The following MTSS1 variants were observed in gnomAD, a reference collection of about 807,000 sequenced individuals.
The protein encoded by MTSS1 is MTSS I-BAR domain containing 1.
In MTSS1, 18 loss-of-function variants were observed where a neutral mutation model predicts 79.0. The ratio of observed to expected loss-of-function variants is 0.23; its 90% CI spans 0.16 to 0.34. MTSS1 has a LOEUF of 0.34. Among genes scored for constraint, MTSS1 ranks in the 10% least tolerant of loss-of-function variants. The pLI is 1.00. For synonymous variants in MTSS1, 341 were observed against 368.6 expected, an observed-to-expected ratio of 0.93 and a Z score of 0.86; for missense variants, 815 against 986.2, an observed-to-expected ratio of 0.83 and a Z score of 2.33.
At chr8:124,593,273 C>A (rs903844896) in intron 3 of MTSS1, among the ~76,000 whole-genome samples, 26 of 152,282 alleles carry the variant, frequency 1.7e-4, no homozygotes, top group Middle Eastern at 3.4e-3. Flanking sequence ...AATAACCCGG[C>A]CACACAAGGA....
intron 3 of MTSS1, among the ~76,000 whole-genome samples, chr8:124,613,571 G>C (rs1002690442): frequency 1.3e-5 from 2 of 152,160 alleles, no homozygotes; most frequent in Non-Finnish European, 2.9e-5. Context: ...GTAACAATTG[G>C]GAGGAGAGTA....
At chr8:124,585,793 C>T (rs761155260) in intron 5 of MTSS1, among the ~76,000 whole-genome samples, 8 of 151,926 alleles carry the variant, frequency 5.3e-5, no homozygotes, top group African/African-American at 1.5e-4. Context: ...CTACTTTCCC[C>T]GGGCCCAAAT....
At position 124,555,910 on chromosome 8, in the gene MTSS1, G is replaced by T. The variant is rs1415477835; in HGVS notation, c.1405-6C>A. ...GCCTCCATCTCCTCACCAGGCTGCAGGTTGGAGGAGAGAAATACACAGGTT... is the reference window on the plus strand; with the variant it reads ...GCCTCCATCTCCTCACCAGGCTGCATGTTGGAGGAGAGAAATACACAGGTT... On this transcript the variant is annotated splice_region_variant and splice_polypyrimidine_tract_variant and intron_variant, in intron 12 of 13. Coordinates refer to ENST00000518547, the MANE Select transcript of MTSS1 (RefSeq NM_014751.6). 6 of 1,603,746 alleles carry T rather than the reference G, an allele frequency of 3.7e-6. No individual in the cohort carries two copies. The highest frequency in any genetic ancestry group is 3.4e-6 in the Non-Finnish European group (4 of 1,179,434).
intron 3 of MTSS1, among the ~76,000 whole-genome samples, chr8:124,620,571 C>T (rs1206080705): frequency 1.3e-5 from 2 of 152,124 alleles, no homozygotes; most frequent in African/African-American, 2.4e-5. Flanking sequence ...CGTCCACAGG[C>T]CTTAATTCCT....
chr8:124,671,796 T>A (rs1272061129), intron 3 of MTSS1, among the ~76,000 whole-genome samples: 2 of 152,200 alleles, frequency 1.3e-5, no homozygotes, highest in Non-Finnish European at 2.9e-5. Context: ...AGGAAACACA[T>A]ACCATGATCA....
intron 10 of MTSS1, chr8:124,558,864 C>G (rs758652728): frequency 6.6e-7 from 1 of 1,520,812 alleles, no homozygotes; most frequent in South Asian, 1.2e-5. Flanking sequence ...ACGAGGGGAC[C>G]AACAGAAACC....
rs3829036 is a variant in MTSS1 at position 124,556,382 on chromosome 8, A to G, written c.1254T>C (p.Tyr418=). ...SWKDWAKPGP[Y]DQPLVNTLQR... ...GCAGGGTGTTCACCAGAGGCTGGTC[A>G]TAGGGCCCAGGCTTAGCCCAGTCCT... Residue 418 remains tyrosine, a synonymous_variant, in exon 12 of 14, where the codon TAT becomes TAC. Transcript: ENST00000518547. 213,152 of 1,613,530 alleles carry G rather than the reference A, an allele frequency of 0.13. 14,772 individuals are homozygous for G. Among genetic ancestry groups the G allele is most frequent in the Admixed American group, 0.19 (11,502 of 59,972 alleles).
intron 1 of MTSS1, among the ~76,000 whole-genome samples, chr8:124,707,749 GC>G (rs1433006637): frequency 2.0e-5 from 3 of 151,900 alleles, no homozygotes; most frequent in Non-Finnish European, 4.4e-5. Flanking sequence ...TGTGGCACAT[GC>G]CTGTAGTCCT....
intron 6 of MTSS1, 85 bp downstream of exon 6, chr8:124,585,002 T>A (rs1270087443): frequency 3.5e-6 from 4 of 1,141,692 alleles, no homozygotes; most frequent in Non-Finnish European, 5.2e-6. Context: ...CTTAAGGAAG[T>A]CTCTGAAGTG....
Position 124,699,537 on chromosome 8 carries a change from G to A in MTSS1, c.197C>T (p.Thr66Ile), listed in dbSNP as rs1437578952. Residue 66 changes from threonine to isoleucine, a missense_variant, in exon 3 of 14, where the codon ACC becomes ATC. Physicochemically the swap from Thr to Ile is moderately conservative, Grantham distance 89. Around this residue, in one of 2 missense-constraint regions of MTSS1, gnomAD observed 225 missense variants for 365.4 expected, o/e 0.62. Coordinates refer to ENST00000518547, the MANE Select transcript of MTSS1 (RefSeq NM_014751.6). ...DAFQKVADMA[T>I]NTRGGTREIG... ...CTCCATCTGCTTACCACGTGTGTTG[G>A]TGGCCATGTCAGCCACTTTCTGAAA... 2 of 1,614,184 alleles carry A rather than the reference G, an allele frequency of 1.2e-6. No individual in the cohort carries two copies. The highest frequency in any genetic ancestry group is 1.7e-6 in the Non-Finnish European group (2 of 1,180,020).
chr8:124,590,518 C>T (rs1831668712), intron 4 of MTSS1, among the ~76,000 whole-genome samples: 4 of 152,208 alleles, frequency 2.6e-5, no homozygotes, highest in Non-Finnish European at 2.9e-5. Flanking sequence ...CTGCCAGCCT[C>T]GGGGTTACTG....
chr8:124,728,152 A>C lies in MTSS1; in HGVS notation c.-197T>G. 5.3e-5 allele frequency: 26 copies of C among 492,276 alleles called. No individual in the cohort carries two copies. Among genetic ancestry groups the C allele is most frequent in the East Asian group, 7.5e-5 (2 of 26,732 alleles). 30.5% of individuals were successfully genotyped at this position (492,276 alleles called of 1,614,324 possible). A position where few individuals can be genotyped will look rare whatever the true frequency, so the allele number is the denominator to read the frequency against. On this transcript the variant is annotated 5_prime_UTR_variant, in exon 1 of 14. Coordinates refer to ENST00000518547, the MANE Select transcript of MTSS1 (RefSeq NM_014751.6). The surrounding 1 kb of genome is among the most constrained non-coding windows in gnomAD (Gnocchi z 6.1). ...ATAATAACAGTAATTTAAAAAGCCA[A>C]ACCGCTCTGTAGGGTATTCGCCTAC...
intron 3 of MTSS1, among the ~76,000 whole-genome samples, chr8:124,615,285 G>T (rs538569058): frequency 6.6e-6 from 1 of 151,798 alleles, no homozygotes; most frequent in African/African-American, 2.4e-5. Flanking sequence ...GAGAGCGGTG[G>T]AAAGGATTAA....
At chr8:124,665,807 T>C (rs1822952860) in intron 3 of MTSS1, among the ~76,000 whole-genome samples, 1 of 147,914 alleles carries the variant, frequency 6.8e-6, no homozygotes, top group African/African-American at 2.5e-5. Flanking sequence ...GCGGAGGTTG[T>C]GGTGAGCTGA....
intron 1 of MTSS1, among the ~76,000 whole-genome samples, chr8:124,705,540 T>C (rs1830272081): frequency 1.3e-5 from 2 of 152,150 alleles, no homozygotes; most frequent in Non-Finnish European, 2.9e-5. Context: ...GGATTATTTT[T>C]GCAGAACAGA....
Position 124,588,833 on chromosome 8 carries a change from G to A in MTSS1, c.385+787C>T, listed in dbSNP as rs183462113. Among the ~76,000 whole-genome samples, 54 of 152,152 alleles carry A rather than the reference G, an allele frequency of 3.5e-4. 1 individual carries two copies. The highest frequency in any genetic ancestry group is 1.3e-3 in the African/African-American group (52 of 41,492). On this transcript the variant is annotated intron_variant, in intron 5 of 13. Transcript: ENST00000518547. ...GGGTTCAAACAATTCTCGTGTCTCA[G>A]CCTCCCGAGTAGTTGGGATTACAGG...
intron 3 of MTSS1, among the ~76,000 whole-genome samples, chr8:124,605,021 G>A (rs1161014616): frequency 6.6e-6 from 1 of 152,204 alleles, no homozygotes; most frequent in Non-Finnish European, 1.5e-5. Context: ...ACACGGACAC[G>A]CTCACACTAT....
intron 4 of MTSS1, 21 bp from the exon 5 acceptor site, chr8:124,589,732 A>C: frequency 6.6e-7 from 1 of 1,506,236 alleles, no homozygotes; most frequent in Non-Finnish European, 9.2e-7. Flanking sequence ...GCGGGGGGGA[A>C]AAAGGGAGAA....
rs559118781 is a variant in MTSS1, at chr8:124,582,657, C to T, written c.460+2430G>A. On this transcript the variant is annotated intron_variant, in intron 6 of 13. Coordinates refer to ENST00000518547, the MANE Select transcript of MTSS1 (RefSeq NM_014751.6). This position sits in a 1 kb window ranked among gnomAD's most constrained non-coding sequence, Gnocchi z 4.8. ...AATGTATCCAAAACCTTCATCCATC[C>T]GAACGCGTGGTGCGTCAGAAGGAAC... Among the ~76,000 whole-genome samples the T allele has an allele frequency of 7.2e-5, 11 of 152,266 alleles. No homozygotes were observed. The highest frequency in any genetic ancestry group is 1.9e-4 in the East Asian group (1 of 5,184).
Sources: allele counts gnomAD v4.1 joint callset (sites outside exome capture counted in the v4.1 genomes callset), GRCh38; gene constraint gnomAD v4.1.1; regional missense constraint gnomAD v4.1.1; non-coding constraint Gnocchi (gnomAD v3.1); transcripts MANE v1.5; gene names NCBI Gene and HGNC (gene_info 2026-07-23, HGNC 2026-07-21).